CHN1: variants seen among roughly 807,000 people sequenced by gnomAD.
CHN1 encodes the protein chimerin 1.
A neutral mutation model predicts 59.5 loss-of-function variants in CHN1; 37 were observed. The observed-to-expected ratio is 0.62, with a 90% confidence interval of 0.48 to 0.82. The LOEUF (loss-of-function observed/expected upper bound fraction) is 0.82, where lower values mean the gene tolerates loss of function less well. Ranked by LOEUF, CHN1 falls within the 40% of genes least tolerant of loss-of-function variation. CHN1 has a pLI of 0.00. For synonymous variants in CHN1, 206 were observed against 200.4 expected (o/e 1.03, Z -0.24); for missense variants, 469 against 571.0 (o/e 0.82, Z 1.82).
At chr2:174,998,950 C>T (rs1158767995) in intron 1 of CHN1, among the ~76,000 whole-genome samples, 1 of 151,938 alleles carries the variant, frequency 6.6e-6, no homozygotes, top group East Asian at 1.9e-4. Flanking sequence ...TAAAACTCAC[C>T]CTTTCAAAGT....
At chr2:174,817,628 ATTTT>A (rs899427269) in intron 8 of CHN1, among the ~76,000 whole-genome samples, 4 of 138,976 alleles carry the variant, frequency 2.9e-5, no homozygotes, top group Non-Finnish European at 4.6e-5. Flanking sequence ...CGCCCAGCTG[ATTTT>A]TTTTTCTTTT....
chr2:174,878,215 A>G, intron 5 of CHN1, 87 bp from the exon 6 acceptor site: 1 of 1,243,350 alleles, frequency 8.0e-7, no homozygotes, highest in Non-Finnish European at 1.1e-6. Context: ...AAAAAAAACT[A>G]TCGCTTTGTT....
chr2:174,984,119 T>C (rs974726706), intron 1 of CHN1, among the ~76,000 whole-genome samples: 20 of 151,540 alleles, frequency 1.3e-4, no homozygotes, highest in Admixed American at 2.6e-4. Flanking sequence ...TAACTAGAAA[T>C]AGGCACGTTT....
chr2:174,813,182 A>G (rs1210399493), intron 8 of CHN1, among the ~76,000 whole-genome samples: 1 of 152,248 alleles, frequency 6.6e-6, no homozygotes, highest in Admixed American at 6.5e-5. Context: ...CAAACACAGA[A>G]GTAATAAGTA....
intron 10 of CHN1, among the ~76,000 whole-genome samples, chr2:174,810,197 T>C (rs546314297): frequency 1.4e-4 from 22 of 152,338 alleles, no homozygotes; most frequent in African/African-American, 4.8e-4. Context: ...GCAGCATTTA[T>C]ATATAGAACT....
chr2:174,814,775 C>A (rs1685190611), intron 8 of CHN1, among the ~76,000 whole-genome samples: 2 of 152,104 alleles, frequency 1.3e-5, no homozygotes, highest in South Asian at 4.1e-4. Flanking sequence ...GAACTCAAGG[C>A]TAAAAATTTC....
At chr2:174,965,501 A>G (rs1274321556) in intron 1 of CHN1, among the ~76,000 whole-genome samples, 1 of 152,142 alleles carries the variant, frequency 6.6e-6, no homozygotes, top group Non-Finnish European at 1.5e-5. Flanking sequence ...AAACAATATA[A>G]TGAATTCTCA....
chr2:174,990,229 GTGTC>G (rs1691491521), intron 1 of CHN1, among the ~76,000 whole-genome samples: 1 of 136,148 alleles, frequency 7.3e-6, no homozygotes, highest in South Asian at 2.4e-4. Context: ...TGTGTGTGGT[GTGTC>G]TGTGTGTGTG....
chr2:174,942,345 C>T (rs946276065), intron 3 of CHN1, among the ~76,000 whole-genome samples: 3 of 151,974 alleles, frequency 2.0e-5, no homozygotes, highest in Non-Finnish European at 2.9e-5. Context: ...AGAATGAAAT[C>T]CTGTCATTTT....
chr2:174,828,177 G>C (rs1268093703), intron 7 of CHN1, among the ~76,000 whole-genome samples: 1 of 152,154 alleles, frequency 6.6e-6, no homozygotes, highest in East Asian at 1.9e-4. Flanking sequence ...CAGGAAGGAA[G>C]TTCAGTTATG....
chr2:174,908,046 G>A (rs1688591964), intron 5 of CHN1, among the ~76,000 whole-genome samples: 1 of 152,170 alleles, frequency 6.6e-6, no homozygotes, highest in African/African-American at 2.4e-5. Flanking sequence ...TAGGTATAAG[G>A]CATTCTCTGG....
intron 5 of CHN1, among the ~76,000 whole-genome samples, chr2:174,879,054 C>G (rs1687658445): frequency 6.6e-6 from 1 of 152,164 alleles, no homozygotes; most frequent in African/African-American, 2.4e-5. Context: ...GTGTAATGGT[C>G]TCCTGAAGGT....
intron 1 of CHN1, among the ~76,000 whole-genome samples, chr2:175,003,336 T>C (rs745348445): frequency 1.2e-4 from 19 of 152,222 alleles, no homozygotes; most frequent in Non-Finnish European, 2.2e-4. Flanking sequence ...AGTGATTTCT[T>C]ATACTTTCTT....
At chr2:174,811,312 CTTCT>C (rs746194349) in intron 10 of CHN1, 195 bp downstream of exon 10, 129 of 494,982 alleles carry the variant, frequency 2.6e-4, no homozygotes, top group Middle Eastern at 1.1e-3. Context: ...TAATTTTATA[CTTCT>C]TTCATATTCT....
intron 1 of CHN1, among the ~76,000 whole-genome samples, chr2:174,980,840 T>C (rs370625784): frequency 3.3e-5 from 5 of 152,318 alleles, no homozygotes; most frequent in Admixed American, 1.3e-4. Flanking sequence ...TCCAGTGACT[T>C]GTAATCATGT....
intron 6 of CHN1, among the ~76,000 whole-genome samples, chr2:174,862,130 T>C (rs1040588500): frequency 6.6e-6 from 1 of 152,118 alleles, no homozygotes; most frequent in Non-Finnish European, 1.5e-5. Context: ...ATAAGAAGTA[T>C]ATTGTTTTAA....
At chr2:174,817,868 AC>A (rs1685333023) in intron 8 of CHN1, among the ~76,000 whole-genome samples, 1 of 151,972 alleles carries the variant, frequency 6.6e-6, no homozygotes, top group Non-Finnish European at 1.5e-5. Context: ...CGATCTCCTG[AC>A]CTCGTGATCC....
chr2:174,829,933 C>T (rs551856306), intron 7 of CHN1, among the ~76,000 whole-genome samples: 5 of 152,226 alleles, frequency 3.3e-5, no homozygotes, highest in Non-Finnish European at 5.9e-5. Context: ...GTTTGTCTCA[C>T]CAAGATGGTC....
chr2:174,956,771 CAAA>C (rs34248216), intron 1 of CHN1, among the ~76,000 whole-genome samples: 13 of 104,596 alleles, frequency 1.2e-4, no homozygotes, highest in Non-Finnish European at 1.0e-4. Context: ...GACTCCATCT[CAAA>C]AAAAAAAAAA....
Sources: gnomAD v4.1 joint callset for allele counts (sites outside exome capture counted in the v4.1 genomes callset) on GRCh38, gnomAD v4.1.1 for gene constraint, MANE v1.5 for transcripts, NCBI Gene and HGNC (gene_info 2026-07-23, HGNC 2026-07-21) for gene names.